SSPN: variants seen among roughly 807,000 people sequenced by gnomAD.
SSPN encodes K-ras oncogene-associated protein.
SSPN carries 15 observed loss-of-function variants against 19.1 expected under a neutral mutation model. That is an observed-to-expected ratio of 0.78 (90% confidence interval 0.52 to 1.21). The LOEUF (loss-of-function observed/expected upper bound fraction) is 1.21. SSPN is among the 50% of genes most tolerant of loss of function. The pLI, the probability that SSPN is intolerant of heterozygous loss-of-function variation, is 0.00. For missense variants in SSPN, 291 were observed against 314.0 expected (o/e 0.93, Z 0.55); for synonymous variants, 147 against 140.3 (o/e 1.05, Z -0.34).
chr12:26,168,075 T>C (rs894620597), intron 1 of SSPN, among the ~76,000 whole-genome samples: 4 of 151,734 alleles, frequency 2.6e-5, no homozygotes, highest in Admixed American at 1.3e-4. Context: ...TAGCAGGATG[T>C]GATGGCGCAG....
chr12:26,124,960 A>G (rs1301754144), intron 1 of SSPN: 29 of 682,444 alleles, frequency 4.2e-5, no homozygotes, highest in Middle Eastern at 3.8e-4. Flanking sequence ...CCGCGCTCGC[A>G]CACACACACG....
At chr12:26,174,574 G>A (rs12812290) in intron 1 of SSPN, among the ~76,000 whole-genome samples, 2 of 145,212 alleles carry the variant, frequency 1.4e-5, no homozygotes, top group Admixed American at 1.4e-4. Flanking sequence ...ATGCTGGAGT[G>A]CAGTGACAAA....
chr12:26,122,413 C>G, intron 1 of SSPN: 1 of 1,312,802 alleles, frequency 7.6e-7, no homozygotes, highest in Non-Finnish European at 9.8e-7. Context: ...CCGCTCTTGT[C>G]CAGGAAGGGC....
chr12:26,190,212 G>A (rs1944778906), intron 1 of SSPN, among the ~76,000 whole-genome samples: 1 of 152,198 alleles, frequency 6.6e-6, no homozygotes. Flanking sequence ...TTTGTGACTT[G>A]ATTTTAAACA....
At chr12:26,154,329 A>C (rs1437617083) in intron 1 of SSPN, among the ~76,000 whole-genome samples, 1 of 152,248 alleles carries the variant, frequency 6.6e-6, no homozygotes, top group Non-Finnish European at 1.5e-5. Context: ...ACCATTGCAC[A>C]GAGTACCTAG....
chr12:26,177,561 C>T (rs1232989354), intron 1 of SSPN, among the ~76,000 whole-genome samples: 2 of 152,154 alleles, frequency 1.3e-5, no homozygotes, highest in Admixed American at 6.5e-5. Context: ...CATCAAGGAG[C>T]TCCTTATTTT....
chr12:26,232,493 A>G lies in SSPN; in HGVS notation c.*1417A>G. 1.0e-6 allele frequency: 1 copy of G among 985,406 alleles called. No individual in the cohort carries two copies. 61.0% of individuals were successfully genotyped at this position (985,406 alleles called of 1,614,324 possible). On this transcript the variant is annotated 3_prime_UTR_variant, in exon 3 of 3. Coordinates refer to ENST00000242729, the MANE Select transcript of SSPN (RefSeq NM_005086.5). ...TCAGTATGCTTTGTTGAAAGCAGAAATTAAGATAATAATTGAGTTCAATTC... is the reference window on the plus strand; with the variant it reads ...TCAGTATGCTTTGTTGAAAGCAGAAGTTAAGATAATAATTGAGTTCAATTC...
intron 1 of SSPN, among the ~76,000 whole-genome samples, chr12:26,140,371 A>G (rs1944453167): frequency 6.6e-6 from 1 of 152,064 alleles, no homozygotes; most frequent in African/African-American, 2.4e-5. Context: ...ACCTATCAGC[A>G]AGTTCTGTTT....
intron 1 of SSPN, among the ~76,000 whole-genome samples, chr12:26,182,848 C>T (rs537817384): frequency 1.6e-4 from 24 of 151,608 alleles, no homozygotes; most frequent in African/African-American, 4.8e-4. Flanking sequence ...CTACAACCTC[C>T]GCCTCCCAGG....
intron 1 of SSPN, among the ~76,000 whole-genome samples, chr12:26,185,069 G>A (rs922846364): frequency 2.0e-5 from 3 of 152,138 alleles, no homozygotes; most frequent in Non-Finnish European, 4.4e-5. Flanking sequence ...AATATGGATT[G>A]CTTAGGTCTT....
chr12:26,231,298 G>T lies in SSPN; in HGVS notation c.*222G>T. The T allele has an allele frequency of 3.1e-6, 2 of 646,842 alleles. No homozygotes were observed. The highest frequency in any genetic ancestry group is 4.7e-6 in the Non-Finnish European group (2 of 427,018). 40.1% of individuals were successfully genotyped at this position (646,842 alleles called of 1,614,324 possible). ...GAAAGCAAGATCCAAATTGATTTTGGGATATTAAAAGTTAACAGAACACTG... is the reference window on the plus strand; with the variant it reads ...GAAAGCAAGATCCAAATTGATTTTGTGATATTAAAAGTTAACAGAACACTG... On this transcript the variant is annotated 3_prime_UTR_variant, in exon 3 of 3. Transcript: ENST00000242729.
At chr12:26,157,957 C>T (rs887855708) in intron 1 of SSPN, among the ~76,000 whole-genome samples, 3 of 151,910 alleles carry the variant, frequency 2.0e-5, no homozygotes, top group African/African-American at 7.2e-5. Flanking sequence ...CATTATCTAC[C>T]TTATGACCTG....
chr12:26,224,103 A>C (rs1339201450), intron 1 of SSPN, among the ~76,000 whole-genome samples, 190 bp from the exon 2 acceptor site: 1 of 152,228 alleles, frequency 6.6e-6, no homozygotes, highest in Non-Finnish European at 1.5e-5. Context: ...CTAAGTGGAA[A>C]TCAATTGATT....
At chr12:26,136,736 C>T (rs942065692) in intron 1 of SSPN, among the ~76,000 whole-genome samples, 4 of 152,208 alleles carry the variant, frequency 2.6e-5, no homozygotes, top group South Asian at 2.1e-4. Flanking sequence ...GACCTGTCAA[C>T]GTGATTTTCC....
intron 1 of SSPN, among the ~76,000 whole-genome samples, chr12:26,137,638 A>G (rs7978576): frequency 9.8e-4 from 24 of 24,566 alleles, no homozygotes; most frequent in African/African-American, 2.9e-3. Context: ...GTGTGTATGT[A>G]TATATATATA....
chr12:26,230,615 G>A (rs569369848), intron 2 of SSPN, 96 bp from the exon 3 acceptor site: 6 of 1,422,310 alleles, frequency 4.2e-6, no homozygotes, highest in South Asian at 2.9e-5. Flanking sequence ...AAAATTTCTG[G>A]GAGGGAAGAA....
chr12:26,216,106 G>A (rs369284253), intron 1 of SSPN, among the ~76,000 whole-genome samples: 1 of 152,296 alleles, frequency 6.6e-6, no homozygotes, highest in African/African-American at 2.4e-5. Context: ...TATATTAGTA[G>A]TAGTAGTATA....
intron 1 of SSPN, chr12:26,125,206 G>A (rs981507972): frequency 1.3e-5 from 4 of 301,006 alleles, no homozygotes; most frequent in Non-Finnish European, 2.6e-5. Context: ...GGGGACACCT[G>A]ATCAGGGCCA....
Position 26,231,184 on chromosome 12 carries a change from A to G in SSPN, c.*108A>G. ...AGGAAAAAAATTGACAATAAAAGTC[A>G]CTCTTCTAATTGAATATTTTTATAT... On this transcript the variant is annotated 3_prime_UTR_variant, in exon 3 of 3. Transcript: ENST00000242729. 2 of 1,341,478 alleles carry G rather than the reference A, an allele frequency of 1.5e-6. No individual in the cohort carries two copies. The highest frequency in any genetic ancestry group is 9.8e-7 in the Non-Finnish European group (1 of 1,020,940). 83.1% of individuals were successfully genotyped at this position (1,341,478 alleles called of 1,614,324 possible).
Sources: allele counts gnomAD v4.1 joint callset (sites outside exome capture counted in the v4.1 genomes callset), GRCh38; gene constraint gnomAD v4.1.1; transcripts MANE v1.5; gene names NCBI Gene and HGNC (gene_info 2026-07-23, HGNC 2026-07-21).